Variants in EIF3H observed in about 807,000 individuals in gnomAD.
EIF3H encodes eukaryotic translation initiation factor 3 subunit H.
In EIF3H, 26 loss-of-function variants were observed where a neutral mutation model predicts 44.2. That is an observed-to-expected ratio of 0.59 (90% CI 0.43 to 0.82). The LOEUF (loss-of-function observed/expected upper bound fraction) is 0.82, where lower values mean the gene tolerates loss of function less well. Ranked by LOEUF, EIF3H falls within the 40% of genes least tolerant of loss-of-function variation. The pLI is 0.00. For missense variants in EIF3H, 359 were observed against 432.8 expected (o/e 0.83, Z 1.51); for synonymous variants, 166 against 151.9 (o/e 1.09, Z -0.68).
intron 2 of EIF3H, among the ~76,000 whole-genome samples, chr8:116,671,998 T>G (rs917145806): frequency 3.3e-5 from 5 of 152,234 alleles, no homozygotes; most frequent in South Asian, 2.1e-4. Context: ...AAAAATAGTT[T>G]AAAAATAACC....
chr8:116,671,382 A>G (rs146953596), intron 2 of EIF3H, among the ~76,000 whole-genome samples: 5 of 152,270 alleles, frequency 3.3e-5, no homozygotes, highest in African/African-American at 1.2e-4. Context: ...GTTTCAAAGC[A>G]TCTCAAACCA....
chr8:116,647,918 T>G (rs1434342078), intron 6 of EIF3H, among the ~76,000 whole-genome samples: 2 of 152,108 alleles, frequency 1.3e-5, no homozygotes, highest in Admixed American at 1.3e-4. Flanking sequence ...CACTCCCATC[T>G]TTTTAGTTAA....
intron 2 of EIF3H, among the ~76,000 whole-genome samples, chr8:116,696,862 G>GC (rs1814276858): frequency 6.6e-6 from 1 of 152,170 alleles, no homozygotes; most frequent in South Asian, 2.1e-4. Flanking sequence ...AGGCAGAACA[G>GC]CCCTGCACAC....
At chr8:116,721,145 C>A (rs1267683977) in intron 2 of EIF3H, among the ~76,000 whole-genome samples, 2 of 152,088 alleles carry the variant, frequency 1.3e-5, no homozygotes, top group African/African-American at 4.8e-5. Flanking sequence ...TTTGTGGGCC[C>A]TTCTGCTGTG....
chr8:116,727,179 C>T (rs1814857809), intron 1 of EIF3H, among the ~76,000 whole-genome samples: 1 of 152,182 alleles, frequency 6.6e-6, no homozygotes, highest in Non-Finnish European at 1.5e-5. Flanking sequence ...GCAGCCTGAG[C>T]CCACAGGTCA....
At chr8:116,653,138 T>C (rs2130783673) in intron 5 of EIF3H, among the ~76,000 whole-genome samples, 1 of 152,142 alleles carries the variant, frequency 6.6e-6, no homozygotes, top group East Asian at 1.9e-4. Context: ...CCTTAAATCT[T>C]GGAGGTTGTT....
At chr8:116,683,191 T>G (rs868728579) in intron 2 of EIF3H, among the ~76,000 whole-genome samples, 4 of 152,338 alleles carry the variant, frequency 2.6e-5, no homozygotes, top group African/African-American at 9.6e-5. Context: ...ACATATTTGC[T>G]CCAATTTTCA....
intron 1 of EIF3H, among the ~76,000 whole-genome samples, chr8:116,728,270 C>A (rs1814886216): frequency 1.1e-5 from 1 of 87,616 alleles, no homozygotes; most frequent in African/African-American, 5.1e-5. Flanking sequence ...TCACAACCAC[C>A]TTAGGAGAAA....
chr8:116,715,879 T>C (rs1475611488), intron 2 of EIF3H, among the ~76,000 whole-genome samples: 3 of 131,222 alleles, frequency 2.3e-5, no homozygotes, highest in African/African-American at 7.3e-5. Context: ...GGAATTTTAG[T>C]ATGAGTTTTT....
chr8:116,680,826 A>C (rs868652960), intron 2 of EIF3H, among the ~76,000 whole-genome samples: 1 of 99,860 alleles, frequency 1.0e-5, no homozygotes. Flanking sequence ...TGATCAATAA[A>C]AAAAAATAAT....
chr8:116,750,888 A>G (rs1022216971), intron 1 of EIF3H, among the ~76,000 whole-genome samples: 1 of 152,094 alleles, frequency 6.6e-6, no homozygotes, highest in Non-Finnish European at 1.5e-5. Context: ...AGAAGTTAAA[A>G]TCTGAATGTT....
At chr8:116,646,427 A>C in intron 7 of EIF3H, 44 bp downstream of exon 7, 1 of 1,613,462 alleles carries the variant, frequency 6.2e-7, no homozygotes, top group Non-Finnish European at 8.5e-7. Context: ...CTGCTTCCTA[A>C]GAAACGAACA....
At chr8:116,661,028 C>A (rs752635187) in intron 2 of EIF3H, among the ~76,000 whole-genome samples, 17 of 152,156 alleles carry the variant, frequency 1.1e-4, no homozygotes, top group Non-Finnish European at 1.8e-4. Flanking sequence ...GTAAGAGGAA[C>A]CTCACCTCCC....
upstream of EIF3H, chr8:116,755,882 C>T (rs900725849): frequency 6.3e-7 from 1 of 1,580,758 alleles, no homozygotes; most frequent in African/African-American, 1.3e-5. Context: ...CGCAGGCCGG[C>T]GTTCGAGGGG....
chr8:116,697,233 T>C, intron 2 of EIF3H: 1 of 454,588 alleles, frequency 2.2e-6, no homozygotes. Context: ...AAGGAAATAC[T>C]GGGCCTAGAT....
chr8:116,765,830 C>A (rs929396607), exon 1 of EIF3H: 4 of 152,204 alleles, frequency 2.6e-5, no homozygotes, highest in Non-Finnish European at 4.4e-5. Context: ...TCTAGGCAAA[C>A]GAAGCTCTTG....
At chr8:116,754,547 C>T (rs1815409132) in intron 1 of EIF3H, among the ~76,000 whole-genome samples, 1 of 152,242 alleles carries the variant, frequency 6.6e-6, no homozygotes, top group Admixed American at 6.5e-5. Flanking sequence ...TAAGTGATTA[C>T]ACTGTACTAC....
intron 1 of EIF3H, among the ~76,000 whole-genome samples, chr8:116,741,041 CTT>C (rs1815123658): frequency 6.6e-6 from 1 of 152,160 alleles, no homozygotes. Flanking sequence ...CATTTCACCT[CTT>C]CTCTTTTTTC....
At chr8:116,692,159 C>T (rs562696936) in intron 2 of EIF3H, among the ~76,000 whole-genome samples, 8 of 152,288 alleles carry the variant, frequency 5.3e-5, no homozygotes, top group African/African-American at 1.9e-4. Flanking sequence ...CTAAATCTAA[C>T]AGACTACAGG....
Sources: gnomAD v4.1 joint callset for allele counts (sites outside exome capture counted in the v4.1 genomes callset) on GRCh38, gnomAD v4.1.1 for gene constraint, MANE v1.5 for transcripts, NCBI Gene and HGNC (gene_info 2026-07-23, HGNC 2026-07-21) for gene names.